Variants in PPP2R2C observed in about 807,000 individuals in gnomAD.
The protein encoded by PPP2R2C is protein phosphatase 2, regulatory subunit B, gamma.
Under a neutral mutation model 45.3 loss-of-function variants are expected in PPP2R2C, and 10 were observed. That is an observed-to-expected ratio of 0.22 (90% confidence interval 0.14 to 0.37). The LOEUF is 0.37. Among genes scored for constraint, PPP2R2C ranks in the 10% least tolerant of loss-of-function variants. The probability of loss-of-function intolerance (pLI) is 1.00; values close to 1 mark genes in which losing one functional copy is unlikely to be tolerated. For synonymous variants in PPP2R2C, 257 were observed against 245.4 expected, an observed-to-expected ratio of 1.05 and a Z score of -0.44; for missense variants, 308 against 619.7, an observed-to-expected ratio of 0.50 and a Z score of 5.34.
chr4:6,513,340 T>C (rs4623093), intron 2 of PPP2R2C, among the ~76,000 whole-genome samples: 132,218 of 152,186 alleles, frequency 0.87, 57,839 homozygotes, highest in East Asian at 1. Context: ...TGCTGTTTTC[T>C]TTTCAAGGAG....
chr4:6,381,743 T>C (rs748260410), intron 1 of PPP2R2C: 14 of 1,599,056 alleles, frequency 8.8e-6, no homozygotes, highest in African/African-American at 8.1e-5. Flanking sequence ...TTCAGGTCAC[T>C]CAGGAACCTC....
intron 2 of PPP2R2C, among the ~76,000 whole-genome samples, chr4:6,511,339 T>C (rs961855544): frequency 1.4e-5 from 2 of 144,908 alleles, no homozygotes; most frequent in South Asian, 2.2e-4. Flanking sequence ...AGTGACAGTA[T>C]TGATAACTAC....
upstream of PPP2R2C, among the ~76,000 whole-genome samples, chr4:6,475,388 TC>T (rs1428736546): frequency 1.3e-5 from 2 of 152,170 alleles, no homozygotes; most frequent in Non-Finnish European, 2.9e-5. Context: ...AAAGCTATCC[TC>T]ACTCCGTGTC....
At chr4:6,469,962 T>G (rs1029363408) in intron 1 of PPP2R2C, among the ~76,000 whole-genome samples, 2 of 152,214 alleles carry the variant, frequency 1.3e-5, no homozygotes, top group African/African-American at 4.8e-5. Context: ...CCTTGGTTTG[T>G]TCATCTCAAG....
At chr4:6,483,515 T>C (rs1433621548) in intron 2 of PPP2R2C, among the ~76,000 whole-genome samples, 3 of 152,172 alleles carry the variant, frequency 2.0e-5, no homozygotes, top group Non-Finnish European at 2.9e-5. Flanking sequence ...CAGTTTGCAT[T>C]ACCCCCGTGA....
chr4:6,355,925 C>T (rs1186643451), intron 5 of PPP2R2C, among the ~76,000 whole-genome samples: 4 of 141,160 alleles, frequency 2.8e-5, no homozygotes, highest in African/African-American at 1.0e-4. Flanking sequence ...ACCTGGGAGG[C>T]AGAGGTTGCA....
rs1486237763 is a variant in PPP2R2C, at chr4:6,332,739, T to G, written c.960+823A>C. ...CTCCTTGTCACCGGACAGTAAAGAA[T>G]GGAGGTGACAGATGTCAAGCACGTG... On this transcript the variant is annotated intron_variant, in intron 7 of 8. Transcript: ENST00000382599. The surrounding 1 kb of genome is among the most constrained non-coding windows in gnomAD (Gnocchi z 4.9). 6.6e-6 allele frequency among the ~76,000 whole-genome samples: 1 copy of G among 152,074 alleles called. No homozygotes were observed. Among genetic ancestry groups the G allele is most frequent in the Non-Finnish European group, 1.5e-5 (1 of 68,022 alleles).
At chr4:6,344,686 T>A (rs1050098720) in intron 6 of PPP2R2C, among the ~76,000 whole-genome samples, 3 of 152,202 alleles carry the variant, frequency 2.0e-5, no homozygotes, top group Non-Finnish European at 2.9e-5. Context: ...TTCCATCAGT[T>A]TCTTATAGCT....
chr4:6,519,784 G>A (rs1441766447), intron 2 of PPP2R2C, among the ~76,000 whole-genome samples: 1 of 152,174 alleles, frequency 6.6e-6, no homozygotes, highest in Non-Finnish European at 1.5e-5. Context: ...CAGCAACCAA[G>A]CCCCTCAAAC....
chr4:6,337,112 G>GTGTGTGTGTGTATATA (rs1202845732), intron 6 of PPP2R2C, among the ~76,000 whole-genome samples: 1 of 30,100 alleles, frequency 3.3e-5, no homozygotes, highest in African/African-American at 1.0e-4. Flanking sequence ...ATGTGTGTGT[G>GTGTGTGTGTGTATATA]TATATATATA....
At position 6,472,359 on chromosome 4, in the gene PPP2R2C, G is replaced by A. The variant is rs936766819; in HGVS notation, c.-130C>T. ...GGCGCGGGCCGCCGGGGCCCCGAAG[G>A]GAGGGCATCGCGGCAGGGGGACGGG... is the stretch of plus-strand genomic sequence containing the variant. On this transcript the variant is annotated 5_prime_UTR_variant, in exon 1 of 9. Transcript: ENST00000382599. The A allele has an allele frequency of 8.4e-7, 1 of 1,185,126 alleles. No individual in the cohort carries two copies. The highest frequency in any genetic ancestry group is 1.6e-5 in the African/African-American group (1 of 62,010). 73.4% of individuals were successfully genotyped at this position (1,185,126 alleles called of 1,614,324 possible).
At chr4:6,336,716 C>G (rs1577076607) in intron 6 of PPP2R2C, among the ~76,000 whole-genome samples, 2 of 45,156 alleles carry the variant, frequency 4.4e-5, no homozygotes, top group Admixed American at 1.8e-4. Flanking sequence ...TCCCTCCCTC[C>G]CTCCCTCCCT....
chr4:6,516,019 G>C (rs999421334), intron 2 of PPP2R2C, among the ~76,000 whole-genome samples: 1 of 152,196 alleles, frequency 6.6e-6, no homozygotes, highest in African/African-American at 2.4e-5. Flanking sequence ...GTCATGTTGG[G>C]TTAAGGACCC....
chr4:6,371,596 G>A (rs1014246787), intron 5 of PPP2R2C, among the ~76,000 whole-genome samples: 8 of 151,890 alleles, frequency 5.3e-5, no homozygotes, highest in Non-Finnish European at 1.0e-4. Flanking sequence ...GGTTAGAAGC[G>A]GGGACTCTGG....
At position 6,323,234 on chromosome 4, in the gene PPP2R2C, G is replaced by A. The variant is rs574889150; in HGVS notation, c.*68C>T. On this transcript the variant is annotated 3_prime_UTR_variant, in exon 9 of 9. Coordinates refer to ENST00000382599, the MANE Select transcript of PPP2R2C (RefSeq NM_020416.4). ...GACTTTCTTCCCCTCCTTGCATTGCGGTCGTGAAGGTCATGTCGGGGATGA... is the reference window on the plus strand; with the variant it reads ...GACTTTCTTCCCCTCCTTGCATTGCAGTCGTGAAGGTCATGTCGGGGATGA... 59 of 1,508,864 alleles carry A rather than the reference G, an allele frequency of 3.9e-5. 1 individual carries two copies. In the Admixed American group the frequency reaches 6.0e-4, roughly 15 times the overall value. 93.5% of individuals were successfully genotyped at this position (1,508,864 alleles called of 1,614,324 possible). A position where few individuals can be genotyped will look rare whatever the true frequency, so the allele number is the denominator to read the frequency against.
chr4:6,454,632 C>A (rs1720918120), intron 1 of PPP2R2C, among the ~76,000 whole-genome samples: 1 of 152,180 alleles, frequency 6.6e-6, no homozygotes, highest in Non-Finnish European at 1.5e-5. Flanking sequence ...CCAAGCTCTG[C>A]CCAAATTCCT....
At chr4:6,371,476 G>A (rs1346004708) in intron 5 of PPP2R2C, among the ~76,000 whole-genome samples, 1 of 152,228 alleles carries the variant, frequency 6.6e-6, no homozygotes, top group Non-Finnish European at 1.5e-5. Flanking sequence ...TGCCCAGGCT[G>A]CCTGGAGTCG....
At chr4:6,475,311 G>A (rs1294648861), upstream of PPP2R2C, among the ~76,000 whole-genome samples, 1 of 152,144 alleles carries the variant, frequency 6.6e-6, no homozygotes, top group African/African-American at 2.4e-5. Flanking sequence ...TCAATAAGGT[G>A]AAATTTGTCA....
intron 5 of PPP2R2C, among the ~76,000 whole-genome samples, chr4:6,355,993 G>GAACAAAAA (rs1713145003): frequency 1.0e-5 from 1 of 97,904 alleles, no homozygotes; most frequent in Non-Finnish European, 2.1e-5. Flanking sequence ...ACTCTGCCTG[G>GAACAAAAA]AAAAAAAAAA....
Sources: allele counts gnomAD v4.1 joint callset (sites outside exome capture counted in the v4.1 genomes callset), GRCh38; gene constraint gnomAD v4.1.1; non-coding constraint Gnocchi (gnomAD v3.1); transcripts MANE v1.5; gene names NCBI Gene and HGNC (gene_info 2026-07-23, HGNC 2026-07-21).